WASHC2A: variants seen among roughly 807,000 people sequenced by gnomAD.
WASHC2A encodes WASH complex subunit 2A, also known as WASH complex subunit FAM21A.
Under a neutral mutation model 140.3 loss-of-function variants are expected in WASHC2A, and 82 were observed. The ratio of observed to expected loss-of-function variants is 0.58; its 90% confidence interval spans 0.49 to 0.70. The LOEUF is 0.70. Ranked by LOEUF, WASHC2A falls within the 30% of genes least tolerant of loss-of-function variation. The pLI is 0.00. For missense variants in WASHC2A, 985 were observed against 1,521.8 expected (o/e 0.65, Z 5.87); for synonymous variants, 340 against 560.8 (o/e 0.61, Z 5.56).
At chr10:50,104,264 G>C (rs1203814291) in intron 18 of WASHC2A, 121 bp downstream of exon 18, 27 of 724,202 alleles carry the variant, frequency 3.7e-5, no homozygotes, top group Admixed American at 1.4e-4. Flanking sequence ...CAGGCCACCT[G>C]AAGTTTATAT....
chr10:50,124,196 C>T (rs1234178590), intron 23 of WASHC2A, among the ~76,000 whole-genome samples: 3 of 151,952 alleles, frequency 2.0e-5, no homozygotes, highest in African/African-American at 7.2e-5. Flanking sequence ...CCTCTGCCTC[C>T]CAGGTTCAAG....
rs1276705646 is a variant in WASHC2A at position 50,084,155 on chromosome 10, G to A, written c.612G>A (p.Leu204=). The A allele has an allele frequency of 4.3e-6, 7 of 1,611,454 alleles. No individual in the cohort carries two copies. The African/African-American group carries it at 9.4e-5, about 22-fold the overall frequency. ...AAGAAGATGTAGGTCTTGGAGAGCT[G>A]TCCAGTGAAGGTACTTTTCTTCACC... The part of the protein sequence containing the change: ...MEQEDVGLGE[L]SSEEGSVGSD... Residue 204 remains leucine, a synonymous_variant, in exon 6 of 31, where the codon CTG becomes CTA. Transcript: ENST00000282633.
Position 50,125,127 on chromosome 10 carries a change from T to C in WASHC2A, c.2493T>C (p.Asp831=), listed in dbSNP as rs1252896114. ...CCTGTTCCCAGGGCCGCGATCCTGA[T>C]GCCCACCCCAAGAGCACAGGTGTCT... The part of the protein sequence containing the change: ...QKEVGKGRDP[D]AHPKSTGVFQ... The change falls in exon 24 of 31, where the codon GAT becomes GAC. Residue 831 remains aspartate, a synonymous_variant. Coordinates refer to ENST00000282633, the MANE Select transcript of WASHC2A (RefSeq NM_001005751.3). 1.4e-5 allele frequency: 23 copies of C among 1,611,748 alleles called. No individual in the cohort carries two copies. The highest frequency in any genetic ancestry group is 4.2e-6 in the Non-Finnish European group (5 of 1,179,868).
chr10:50,084,940 TG>T (rs782328799), intron 6 of WASHC2A, among the ~76,000 whole-genome samples: 238 of 121,844 alleles, frequency 2.0e-3, no homozygotes, highest in Middle Eastern at 8.1e-3. Context: ...TTTACCATGT[TG>T]GGCAGGTTGG....
rs72797792 is a variant in WASHC2A at position 50,075,047 on chromosome 10, T to A, written c.292-3628T>A. ...TTTTTTAACTTTAACCTTTTCTAGATGACGGTATGTGTGTGTGTGTGTGTA... is the reference window on the plus strand; with the variant it reads ...TTTTTTAACTTTAACCTTTTCTAGAAGACGGTATGTGTGTGTGTGTGTGTA... On this transcript the variant is annotated intron_variant, in intron 3 of 30. Coordinates refer to ENST00000282633, the MANE Select transcript of WASHC2A (RefSeq NM_001005751.3). Among the ~76,000 whole-genome samples the A allele has an allele frequency of 7.9e-3, 1,184 of 150,328 alleles. 7 individuals are homozygous for A. The highest frequency in any genetic ancestry group is 0.012 in the Non-Finnish European group (795 of 67,272).
chr10:50,078,757 C>T lies in WASHC2A; in HGVS notation c.354+20C>T. The stretch of plus-strand genomic sequence containing the variant: ...GAGCAGGTACTTGTATAAAATCACT[C>T]TTAGCTGAGTTTCTGACTTTGAAAA... On this transcript the variant is annotated intron_variant, in intron 4 of 30. Coordinates refer to ENST00000282633, the MANE Select transcript of WASHC2A (RefSeq NM_001005751.3). The T allele has an allele frequency of 6.2e-7, 1 of 1,611,808 alleles. No individual in the cohort carries two copies. Among genetic ancestry groups the T allele is most frequent in the Non-Finnish European group, 8.5e-7 (1 of 1,179,856 alleles).
intron 3 of WASHC2A, among the ~76,000 whole-genome samples, chr10:50,071,541 G>A (rs1413902984): frequency 6.6e-6 from 1 of 151,822 alleles, no homozygotes; most frequent in African/African-American, 2.4e-5. Context: ...TCCTGACCTC[G>A]TGATCCGCCC....
rs1345583822 is a variant in WASHC2A at position 50,071,002 on chromosome 10, A to G, written c.291+1291A>G. 2.9e-5 allele frequency among the ~76,000 whole-genome samples: 3 copies of G among 103,932 alleles called. No individual in the cohort carries two copies. In the Admixed American group the frequency reaches 3.6e-4, roughly 12 times the overall value. 68.2% of individuals were successfully genotyped at this position (103,932 alleles called of 152,430 possible). A position where few individuals can be genotyped will look rare whatever the true frequency, so the allele number is the denominator to read the frequency against. ...AGCCGAGATCCTGCCATTGTACTCC[A>G]GCCTGGGCAATAAGAGCGAAACTCC... On this transcript the variant is annotated intron_variant, in intron 3 of 30. Transcript: ENST00000282633.
chr10:50,125,918 G>T, intron 25 of WASHC2A, 139 bp from the exon 26 acceptor site: 1 of 945,520 alleles, frequency 1.1e-6, no homozygotes, highest in Non-Finnish European at 1.6e-6. Flanking sequence ...TTTCTGAAAT[G>T]CTACCTTTGA....
intron 7 of WASHC2A, among the ~76,000 whole-genome samples, chr10:50,086,594 C>G (rs1300760121): frequency 3.6e-5 from 4 of 112,628 alleles, no homozygotes; most frequent in Admixed American, 1.0e-4. Flanking sequence ...ATCCCTCCCC[C>G]CTCCCCCCAC....
chr10:50,097,206 A>G (rs1192526348), intron 15 of WASHC2A, among the ~76,000 whole-genome samples: 8 of 147,086 alleles, frequency 5.4e-5, no homozygotes, highest in African/African-American at 2.0e-4. Flanking sequence ...ACTGTTCCCA[A>G]TGTTCATCTT....
In WASHC2A at chr10:50,126,169, A is replaced by G. The variant is rs782144895; in HGVS notation, c.2801A>G (p.Glu934Gly). The change falls in exon 26 of 31, where the codon GAA becomes GGA. Residue 934 changes from glutamate (E) to glycine (G), a missense_variant. By Grantham distance (98) the Glu-to-Gly change is moderately conservative. Coordinates refer to ENST00000282633, the MANE Select transcript of WASHC2A (RefSeq NM_001005751.3). ...GSKEKGIWKP[E>G]TPQDSSGLAP... is the part of the protein sequence containing the mutation. Reference sequence around the variant, plus strand: ...AAAGAAAAAGGCATATGGAAGCCGGAAACACCTCAGGTTAGAAATCCTCTT... The same window carrying G: ...AAAGAAAAAGGCATATGGAAGCCGGGAACACCTCAGGTTAGAAATCCTCTT... 5.0e-6 allele frequency: 8 copies of G among 1,613,428 alleles called. No homozygotes were observed. The East Asian group carries it at 1.8e-4, about 36-fold the overall frequency.
intron 19 of WASHC2A, 146 bp from the exon 20 acceptor site, chr10:50,109,955 A>G (rs1344185455): frequency 8.9e-7 from 1 of 1,118,868 alleles, no homozygotes; most frequent in African/African-American, 1.6e-5. Context: ...TATTTTTAGT[A>G]GAGACGGGGT....
At position 50,130,886 on chromosome 10, in the gene WASHC2A, T is replaced by G; in HGVS notation, c.3709-15T>G. The stretch of plus-strand genomic sequence containing the variant: ...TGATTTAACATTATTTTGTATGTAT[T>G]TTTGGCTTAACAAGGATGATATATT... On this transcript the variant is annotated splice_polypyrimidine_tract_variant and intron_variant, in intron 29 of 30. Transcript: ENST00000282633. 6.2e-7 allele frequency: 1 copy of G among 1,603,670 alleles called. No individual in the cohort carries two copies. Among genetic ancestry groups the G allele is most frequent in the Non-Finnish European group, 8.5e-7 (1 of 1,177,604 alleles).
At chr10:50,125,551 G>A (rs1456069802) in intron 25 of WASHC2A, 102 bp downstream of exon 25, 5 of 1,608,178 alleles carry the variant, frequency 3.1e-6, no homozygotes, top group Non-Finnish European at 4.2e-6. Flanking sequence ...GGAGAGTCGT[G>A]CTGCTTCCTA....
intron 4 of WASHC2A, among the ~76,000 whole-genome samples, chr10:50,079,415 G>A (rs1274385742): frequency 6.6e-6 from 1 of 152,092 alleles, no homozygotes; most frequent in Non-Finnish European, 1.5e-5. Flanking sequence ...TTTTTATTTT[G>A]AGATGGAGTC....
intron 5 of WASHC2A, among the ~76,000 whole-genome samples, chr10:50,081,833 A>C (rs1334890002): frequency 6.6e-6 from 1 of 151,914 alleles, no homozygotes; most frequent in Non-Finnish European, 1.5e-5. Flanking sequence ...GGGTTTCACC[A>C]TGTTGGCCAG....
In WASHC2A at chr10:50,090,833, G is replaced by T; in HGVS notation, c.790G>T (p.Asp264Tyr). The change falls in exon 9 of 31, where the codon GAC (aspartate) becomes TAC (tyrosine). Residue 264 changes from aspartate to tyrosine, a missense_variant. Physicochemically the swap from Asp to Tyr is radical, Grantham distance 160 (BLOSUM62 -3). Transcript: ENST00000282633. Reference sequence around the variant, plus strand: ...TGATGATGGCTGTGACCTTTTCGCTGACTCTGAGAAGGAGGAGGAAGATAT... The same window carrying T: ...TGATGATGGCTGTGACCTTTTCGCTTACTCTGAGAAGGAGGAGGAAGATAT... ...EDDDGCDLFADSEKEEEDIED... is the reference protein window; with the variant it reads ...EDDDGCDLFAYSEKEEEDIED... 1 of 1,611,692 alleles carries T rather than the reference G, an allele frequency of 6.2e-7. No individual in the cohort carries two copies. The highest frequency in any genetic ancestry group is 8.5e-7 in the Non-Finnish European group (1 of 1,179,810).
intron 18 of WASHC2A, among the ~76,000 whole-genome samples, chr10:50,105,278 C>T (rs1554888148): frequency 6.6e-6 from 1 of 151,262 alleles, no homozygotes; most frequent in African/African-American, 2.4e-5. Context: ...TCATGCAGTA[C>T]TGGGCGGTGG....
Sources: allele counts gnomAD v4.1 joint callset (sites outside exome capture counted in the v4.1 genomes callset), GRCh38; gene constraint gnomAD v4.1.1; transcripts MANE v1.5; gene names NCBI Gene and HGNC (gene_info 2026-07-23, HGNC 2026-07-21).